C19orf12: variants seen among roughly 807,000 people sequenced by gnomAD.
C19orf12 encodes chromosome 19 open reading frame 12.
Under a neutral mutation model 3.8 loss-of-function variants are expected in C19orf12, and 2 were observed. The observed-to-expected ratio is 0.53, with a 90% confidence interval of 0.22 to 1.66. The LOEUF (loss-of-function observed/expected upper bound fraction) is 1.66. Among genes scored for constraint, C19orf12 ranks in the 40% most tolerant of loss-of-function variants. C19orf12 has a pLI of 0.20. For missense variants in C19orf12, 156 were observed against 188.8 expected, an observed-to-expected ratio of 0.83 and a Z score of 1.02; for synonymous variants, 89 against 84.6, an observed-to-expected ratio of 1.05 and a Z score of -0.28.
chr19:29,706,773 G>GCTTAACGAAATGT (rs1471149604), intron 2 of C19orf12, among the ~76,000 whole-genome samples: 1 of 152,222 alleles, frequency 6.6e-6, no homozygotes, highest in Non-Finnish European at 1.5e-5. Flanking sequence ...GTGAGCCTCA[G>GCTTAACGAAATGT]CTTAACGAAA....
intron 2 of C19orf12, chr19:29,705,402 CAAAAAAAAAAAAA>C (rs34101444): frequency 7.2e-5 from 8 of 111,064 alleles, no homozygotes; most frequent in Admixed American, 1.2e-4. Context: ...ATCCTGAAAC[CAAAAAAAAAAAAA>C]AAAAAAAAAG....
intron 2 of C19orf12, 75 bp downstream of exon 2, chr19:29,708,179 C>A: frequency 1.3e-6 from 2 of 1,587,420 alleles, no homozygotes; most frequent in Non-Finnish European, 1.7e-6. Context: ...CTGTGCCTGG[C>A]CTTCTCCCTG....
chr19:29,700,167 C>G lies in C19orf12; in HGVS notation c.*2545G>C, dbSNP rs1280269244. On this transcript the variant is annotated 3_prime_UTR_variant, in exon 3 of 3. Coordinates refer to ENST00000323670, the MANE Select transcript of C19orf12 (RefSeq NM_031448.6). ...ACACTGGGCCTCTGAGCTGGGACCA[C>G]CTGTGTCCCCTGGGCCTGACACAGA... The G allele has an allele frequency of 2.2e-6, 1 of 453,986 alleles. No individual in the cohort carries two copies. The highest frequency in any genetic ancestry group is 2.3e-5 in the Admixed American group (1 of 42,574). 28.1% of individuals were successfully genotyped at this position (453,986 alleles called of 1,614,324 possible). A position where few individuals can be genotyped will look rare whatever the true frequency, so the allele number is the denominator to read the frequency against.
rs75546009 is a variant in C19orf12 at position 29,703,215 on chromosome 19, C to T, written c.161-238G>A. Among the ~76,000 whole-genome samples, 292 of 152,240 alleles carry T rather than the reference C, an allele frequency of 1.9e-3. 1 individual carries two copies. Among genetic ancestry groups the T allele is most frequent in the Middle Eastern group, 6.8e-3 (2 of 294 alleles). On this transcript the variant is annotated intron_variant, in intron 2 of 2. Transcript: ENST00000323670. ...CCCAACATGCATTCCCTGGGCTCCA[C>T]ATTTAAGGATGCAAAATGAAGCCTG...
chr19:29,713,938 C>T (rs756519666), intron 1 of C19orf12, among the ~76,000 whole-genome samples: 42 of 144,768 alleles, frequency 2.9e-4, no homozygotes, highest in Admixed American at 2.8e-3. Context: ...AAGTATCCCT[C>T]TTTCTTTTTT....
upstream of C19orf12, chr19:29,715,424 GC>G: frequency 4.9e-6 from 2 of 409,022 alleles, no homozygotes; most frequent in Non-Finnish European, 9.9e-6. Context: ...TGTCACCGGG[GC>G]CCTGGCTTGG....
Position 29,700,513 on chromosome 19 carries a change from G to C in C19orf12, c.*2199C>G, listed in dbSNP as rs767837907. 16 of 453,988 alleles carry C rather than the reference G, an allele frequency of 3.5e-5. No individual in the cohort carries two copies. The highest frequency in any genetic ancestry group is 2.2e-4 in the South Asian group (14 of 64,482). 28.1% of individuals were successfully genotyped at this position (453,988 alleles called of 1,614,324 possible). The stretch of plus-strand genomic sequence containing the variant: ...TTTTAGTTCCAGGGTCCGTATGCAG[G>C]ACTTATTTGCAGGAAGAGCAGGAAT... On this transcript the variant is annotated 3_prime_UTR_variant, in exon 3 of 3. Transcript: ENST00000323670.
Position 29,708,400 on chromosome 19 carries a change from A to G in C19orf12, c.14T>C (p.Val5Ala), listed in dbSNP as rs1972493861. ...GCACAGCAGCTTCATGATGTCCTCC[A>G]CCATGATAGTCATCGTGGCGGGCCT... MTIM[V>A]EDIMKLLCSL... Residue 5 changes from valine to alanine, a missense_variant, in exon 2 of 3, where the codon GTG becomes GCG. Transcript: ENST00000323670. 6.2e-7 allele frequency: 1 copy of G among 1,613,948 alleles called. No individual in the cohort carries two copies. Among genetic ancestry groups the G allele is most frequent in the Non-Finnish European group, 8.5e-7 (1 of 1,180,036 alleles).
At chr19:29,707,798 TCCTC>T (rs1220794785) in intron 2 of C19orf12, among the ~76,000 whole-genome samples, 3 of 151,876 alleles carry the variant, frequency 2.0e-5, no homozygotes, top group Non-Finnish European at 4.4e-5. Flanking sequence ...CTCCACCAAC[TCCTC>T]CCACAAGACG....
rs886054321 is a variant in C19orf12 at position 29,702,576 on chromosome 19, G to A, written c.*136C>T. Reference sequence around the variant, plus strand: ...ACTGCACAGCGGTGGCCTCTCCAGCGGGACATTACTAGTAATACACTGATG... The same window carrying A: ...ACTGCACAGCGGTGGCCTCTCCAGCAGGACATTACTAGTAATACACTGATG... On this transcript the variant is annotated 3_prime_UTR_variant, in exon 3 of 3. Transcript: ENST00000323670. The A allele has an allele frequency of 1.5e-5, 18 of 1,202,178 alleles. No homozygotes were observed. The highest frequency in any genetic ancestry group is 2.1e-5 in the Non-Finnish European group (17 of 811,674). 74.5% of individuals were successfully genotyped at this position (1,202,178 alleles called of 1,614,324 possible). A position where few individuals can be genotyped will look rare whatever the true frequency, so the allele number is the denominator to read the frequency against.
chr19:29,714,006 CTCTT>C (rs1353384827), intron 1 of C19orf12, among the ~76,000 whole-genome samples: 2 of 151,752 alleles, frequency 1.3e-5, no homozygotes, highest in Non-Finnish European at 2.9e-5. Context: ...CTCTCTCTCT[CTCTT>C]TCTCTTTCCC....
chr19:29,708,267 C>T lies in C19orf12; in HGVS notation c.147G>A (p.Pro49=), dbSNP rs751273429. The T allele has an allele frequency of 2.0e-5, 33 of 1,612,264 alleles. No homozygotes were observed. Among genetic ancestry groups the T allele is most frequent in the African/African-American group, 1.9e-4 (14 of 74,928 alleles). ...ACCTGCACTTACCAACGGCGAGTCC[C>T]GGTGGGCCGCCCACCAAACCCCCGA... ...AFVGGLVGGP[P]GLAVGGAVGG... The change falls in exon 2 of 3, where the codon CCG becomes CCA. Residue 49 remains proline, a synonymous_variant. Transcript: ENST00000323670.
chr19:29,714,835 A>ACCCCCCCCCCCCCC, intron 1 of C19orf12: 1 of 268,478 alleles, frequency 3.7e-6, no homozygotes, highest in Non-Finnish European at 7.7e-6. Context: ...CACCCACCAC[A>ACCCCCCCCCCCCCC]CCCATGCCTA....
At chr19:29,704,836 T>G (rs1472885242) in intron 2 of C19orf12, among the ~76,000 whole-genome samples, 1 of 152,218 alleles carries the variant, frequency 6.6e-6, no homozygotes, top group Non-Finnish European at 1.5e-5. Flanking sequence ...TTGAATCGCA[T>G]GGACCTTCCG....
rs1971973846 is a variant in C19orf12 at position 29,699,729 on chromosome 19, T to G, written c.*2983A>C. The stretch of plus-strand genomic sequence containing the variant: ...GGAATACACATGAAATTGGTAACAG[T>G]GGCTGCCTCTGGGGTCGGCATAGGA... On this transcript the variant is annotated 3_prime_UTR_variant, in exon 3 of 3. Transcript: ENST00000323670. 1 of 454,114 alleles carries G rather than the reference T, an allele frequency of 2.2e-6. No homozygotes were observed. Among genetic ancestry groups the G allele is most frequent in the Non-Finnish European group, 4.4e-6 (1 of 226,794 alleles). The allele number at this position is 454,114 out of a possible 1,614,324, so 28.1% of individuals were successfully genotyped here.
At chr19:29,714,999 C>T (rs1019488837) in intron 1 of C19orf12, 126 bp downstream of exon 1, 3 of 712,428 alleles carry the variant, frequency 4.2e-6, no homozygotes, top group Non-Finnish European at 7.8e-6. Flanking sequence ...GGGCCGGGCT[C>T]CCGGCAGGGC....
At chr19:29,704,400 G>A (rs1181554195) in intron 2 of C19orf12, among the ~76,000 whole-genome samples, 1 of 152,074 alleles carries the variant, frequency 6.6e-6, no homozygotes, top group Admixed American at 6.5e-5. Flanking sequence ...GGAGGCAGAG[G>A]TTGCAGTGAG....
intron 2 of C19orf12, among the ~76,000 whole-genome samples, chr19:29,706,841 C>A (rs184369168): frequency 6.6e-6 from 1 of 152,186 alleles, no homozygotes; most frequent in African/African-American, 2.4e-5. Flanking sequence ...ACCCGGCCAG[C>A]GAGCTGGGGA....
intron 1 of C19orf12, among the ~76,000 whole-genome samples, chr19:29,710,734 C>T (rs867805773): frequency 3.9e-5 from 6 of 152,216 alleles, no homozygotes; most frequent in South Asian, 4.1e-4. Flanking sequence ...CCCTGGGTCT[C>T]CCAAAACCTG....
Sources: gnomAD v4.1 joint callset for allele counts (sites outside exome capture counted in the v4.1 genomes callset) on GRCh38, gnomAD v4.1.1 for gene constraint, MANE v1.5 for transcripts, NCBI Gene and HGNC (gene_info 2026-07-23, HGNC 2026-07-21) for gene names.